Variants in ALK observed in about 807,000 individuals in gnomAD.
The protein encoded by ALK is ALK tyrosine kinase receptor.
A neutral mutation model predicts 163.1 loss-of-function variants in ALK; 74 were observed. That is an observed-to-expected ratio of 0.45 (90% CI 0.38 to 0.55). The LOEUF is 0.55. Ranked by LOEUF, ALK falls within the 20% of genes least tolerant of loss-of-function variation. The probability of loss-of-function intolerance (pLI) is 0.00; values close to 1 mark genes in which losing one functional copy is unlikely to be tolerated. For missense variants in ALK, 2,063 were observed against 2,105.3 expected (o/e 0.98, Z 0.39); for synonymous variants, 960 against 843.2 (o/e 1.14, Z -2.40).
At chr2:29,465,896 T>C (rs911092485) in intron 4 of ALK, among the ~76,000 whole-genome samples, 2 of 152,166 alleles carry the variant, frequency 1.3e-5, no homozygotes, top group Non-Finnish European at 2.9e-5. Flanking sequence ...CAATATATTA[T>C]GAGTTTATAA....
chr2:29,623,722 A>G (rs1021809275), intron 3 of ALK, among the ~76,000 whole-genome samples: 1 of 152,256 alleles, frequency 6.6e-6, no homozygotes, highest in African/African-American at 2.4e-5. Flanking sequence ...TAGAAGAAAA[A>G]CAACCAAATG....
chr2:29,472,849 G>T (rs1322164090), intron 4 of ALK, among the ~76,000 whole-genome samples: 1 of 139,642 alleles, frequency 7.2e-6, no homozygotes, highest in East Asian at 2.0e-4. Flanking sequence ...CAATTACCTG[G>T]AGAAATTAAA....
At chr2:29,794,765 C>A (rs147833090) in intron 1 of ALK, among the ~76,000 whole-genome samples, 1 of 152,116 alleles carries the variant, frequency 6.6e-6, no homozygotes, top group Admixed American at 6.5e-5. Flanking sequence ...TGGTTTGTGG[C>A]ATCCCAATGC....
chr2:29,355,338 T>C (rs879625665), intron 5 of ALK, among the ~76,000 whole-genome samples: 2 of 152,162 alleles, frequency 1.3e-5, no homozygotes, highest in Non-Finnish European at 2.9e-5. Context: ...GGTCCCCACA[T>C]TCCCACTCCA....
intron 2 of ALK, among the ~76,000 whole-genome samples, chr2:29,697,420 T>C (rs767559823): frequency 2.6e-5 from 4 of 152,162 alleles, no homozygotes; most frequent in Non-Finnish European, 4.4e-5. Context: ...GCAGACTCTT[T>C]CTGTCCAATG....
intron 4 of ALK, among the ~76,000 whole-genome samples, chr2:29,524,359 C>G (rs1013535120): frequency 6.6e-6 from 1 of 152,230 alleles, no homozygotes; most frequent in Non-Finnish European, 1.5e-5. Flanking sequence ...TGGATAAGAA[C>G]AGCTCTTAGT....
At chr2:29,194,055 C>G (rs1668962579) in intron 28 of ALK, 133 bp from the exon 29 acceptor site, 1 of 854,892 alleles carries the variant, frequency 1.2e-6, no homozygotes, top group African/African-American at 1.7e-5. Context: ...AATATAGTAA[C>G]TTACAGGCAC....
At position 29,263,654 on chromosome 2, in the gene ALK, G is replaced by A. The variant is rs140101284; in HGVS notation, c.2041+11445C>T. On this transcript the variant is annotated intron_variant, in intron 11 of 28. Transcript: ENST00000389048. ...AAGTGTGTAAGACTAGAGGACTAGA[G>A]AAAAGAAGGGAAGGGATGCTTCCCC... is the stretch of plus-strand genomic sequence containing the variant. 1.1e-3 allele frequency among the ~76,000 whole-genome samples: 165 copies of A among 152,254 alleles called. 2 individuals are homozygous for A. The highest frequency in any genetic ancestry group is 6.8e-3 in the Middle Eastern group (2 of 294).
At chr2:29,454,004 A>C (rs923453851) in intron 4 of ALK, among the ~76,000 whole-genome samples, 1 of 152,166 alleles carries the variant, frequency 6.6e-6, no homozygotes, top group Admixed American at 6.5e-5. Context: ...GTGCTCCCCC[A>C]AAAGAGTTCT....
At chr2:29,695,560 G>A (rs941830442) in intron 2 of ALK, among the ~76,000 whole-genome samples, 1 of 152,020 alleles carries the variant, frequency 6.6e-6, no homozygotes, top group Non-Finnish European at 1.5e-5. Context: ...TAGATGATGG[G>A]TCAGAGTGAA....
intron 1 of ALK, among the ~76,000 whole-genome samples, chr2:29,840,474 T>G (rs1299109982): frequency 6.6e-6 from 1 of 152,214 alleles, no homozygotes; most frequent in Non-Finnish European, 1.5e-5. Context: ...TTCAAACATA[T>G]TCTCAATATT....
At chr2:29,770,794 G>A (rs1680997941) in intron 1 of ALK, among the ~76,000 whole-genome samples, 1 of 151,990 alleles carries the variant, frequency 6.6e-6, no homozygotes. Flanking sequence ...ACCAGTCCAG[G>A]ATGCCCAGCA....
Position 29,717,612 on chromosome 2 carries a change from G to C in ALK, c.753C>G (p.Asp251Glu). 6.2e-7 allele frequency: 1 copy of C among 1,613,976 alleles called. No homozygotes were observed. Among genetic ancestry groups the C allele is most frequent in the Non-Finnish European group, 8.5e-7 (1 of 1,179,866 alleles). The change falls in exon 2 of 29, where the codon GAC becomes GAG. Residue 251 changes from aspartate (D) to glutamate (E), a missense_variant. Coordinates refer to ENST00000389048, the MANE Select transcript of ALK (RefSeq NM_004304.5). The stretch of plus-strand genomic sequence containing the variant: ...TGCGATGAGACAGGAAAGGGAAGGA[G>C]TCTTTCATTATCCAGGTGAGATTCC... ...FTWNLTWIMK[D>E]SFPFLSHRSR...
chr2:29,674,830 T>G (rs1025564885), intron 3 of ALK, among the ~76,000 whole-genome samples: 3 of 120,222 alleles, frequency 2.5e-5, no homozygotes, highest in Non-Finnish European at 5.2e-5. Context: ...TGGTAAGCTA[T>G]TGATTATTGC....
At chr2:29,693,436 CAG>C (rs1553348308) in intron 3 of ALK, among the ~76,000 whole-genome samples, 2 of 141,850 alleles carry the variant, frequency 1.4e-5, no homozygotes, top group African/African-American at 2.6e-5. Flanking sequence ...CACACACACA[CAG>C]ACACACACAC....
chr2:29,598,646 C>T (rs1675285003), intron 3 of ALK, among the ~76,000 whole-genome samples: 1 of 152,014 alleles, frequency 6.6e-6, no homozygotes, highest in Non-Finnish European at 1.5e-5. Context: ...TATGTATAAT[C>T]AGATTTCAAT....
At chr2:29,724,746 C>T (rs899177371) in intron 1 of ALK, among the ~76,000 whole-genome samples, 1 of 152,082 alleles carries the variant, frequency 6.6e-6, no homozygotes, top group Admixed American at 6.6e-5. Context: ...CTATGGTTTG[C>T]TTTCACATTT....
chr2:29,547,394 C>T (rs892629902), intron 3 of ALK, among the ~76,000 whole-genome samples: 5 of 152,094 alleles, frequency 3.3e-5, no homozygotes, highest in African/African-American at 9.7e-5. Context: ...CTCAGGAGTT[C>T]GAGATCAGCC....
intron 1 of ALK, among the ~76,000 whole-genome samples, chr2:29,725,945 A>G (rs1381177661): frequency 6.6e-6 from 1 of 152,094 alleles, no homozygotes; most frequent in Non-Finnish European, 1.5e-5. Flanking sequence ...CAGCATCCCA[A>G]GCAAGCACCT....
Sources: gnomAD v4.1 joint callset for allele counts (sites outside exome capture counted in the v4.1 genomes callset) on GRCh38, gnomAD v4.1.1 for gene constraint, MANE v1.5 for transcripts, NCBI Gene and HGNC (gene_info 2026-07-23, HGNC 2026-07-21) for gene names.